Variants in CRHR1 observed in about 807,000 individuals in gnomAD.
CRHR1 encodes the protein corticotropin-releasing hormone receptor 1.
A neutral mutation model predicts 56.0 loss-of-function variants in CRHR1; 28 were observed. The ratio of observed to expected loss-of-function variants is 0.50; its 90% CI spans 0.37 to 0.69. The LOEUF (loss-of-function observed/expected upper bound fraction) is 0.69, where lower values mean the gene tolerates loss of function less well. Among genes scored for constraint, CRHR1 ranks in the 30% least tolerant of loss-of-function variants. The probability of loss-of-function intolerance (pLI) is 0.00; values close to 1 mark genes in which losing one functional copy is unlikely to be tolerated. For missense variants in CRHR1, 376 were observed against 548.0 expected, an observed-to-expected ratio of 0.69 and a Z score of 3.13; for synonymous variants, 195 against 216.5, an observed-to-expected ratio of 0.90 and a Z score of 0.87.
At chr17:45,829,954 C>T in intron 5 of CRHR1, 140 bp from the exon 6 acceptor site, 1 of 1,347,348 alleles carries the variant, frequency 7.4e-7, no homozygotes, top group Non-Finnish European at 1.0e-6. Context: ...GCTGTCACCT[C>T]CCTGTGTGAC....
intron 2 of CRHR1, among the ~76,000 whole-genome samples, chr17:45,811,748 G>T (rs2061829269): frequency 6.6e-6 from 1 of 152,172 alleles, no homozygotes; most frequent in Non-Finnish European, 1.5e-5. Context: ...TTAGGTATCT[G>T]CTTAAATGGT....
At position 45,830,146 on chromosome 17, in the gene CRHR1, A is replaced by G; in HGVS notation, c.487A>G (p.Ile163Val). The change falls in exon 6 of 13, where the codon ATC becomes GTC. Residue 163 changes from isoleucine to valine, a missense_variant. Physicochemically the swap from Ile to Val is conservative, Grantham distance 29. Transcript: ENST00000314537. ...IIHWNLISAFILRNATWFVVQ... is the reference protein window; with the variant it reads ...IIHWNLISAFVLRNATWFVVQ... ...CCACTGGAACCTCATCTCCGCCTTC[A>G]TCCTGCGCAACGCCACCTGGTTCGT... 6.8e-6 allele frequency: 11 copies of G among 1,614,090 alleles called. No homozygotes were observed. Among genetic ancestry groups the G allele is most frequent in the Non-Finnish European group, 9.3e-6 (11 of 1,180,016 alleles).
At chr17:45,799,036 G>A (rs905056529) in intron 1 of CRHR1, among the ~76,000 whole-genome samples, 7 of 152,222 alleles carry the variant, frequency 4.6e-5, no homozygotes, top group African/African-American at 1.2e-4. Flanking sequence ...GGCCAGGCCC[G>A]AGGCGGGATG....
chr17:45,806,415 A>C (rs2061719921), intron 1 of CRHR1, among the ~76,000 whole-genome samples: 1 of 152,246 alleles, frequency 6.6e-6, no homozygotes, highest in Non-Finnish European at 1.5e-5. Flanking sequence ...ACCCCAGGGA[A>C]AATTTAGTGT....
At chr17:45,829,416 G>T in intron 5 of CRHR1, 95 bp downstream of exon 5, 1 of 1,372,772 alleles carries the variant, frequency 7.3e-7, no homozygotes, top group Non-Finnish European at 1.0e-6. Context: ...TTGGGGTGGG[G>T]GTTGCTGGGA....
At chr17:45,792,710 G>A (rs572218197) in intron 1 of CRHR1, among the ~76,000 whole-genome samples, 8 of 151,960 alleles carry the variant, frequency 5.3e-5, no homozygotes, top group Non-Finnish European at 1.2e-4. Flanking sequence ...ACCTCATCCC[G>A]TCCCCTGGTG....
intron 1 of CRHR1, among the ~76,000 whole-genome samples, chr17:45,796,592 G>GT (rs1211326332): frequency 1.3e-5 from 2 of 152,248 alleles, no homozygotes; most frequent in Non-Finnish European, 2.9e-5. Flanking sequence ...AGTCCCTCCA[G>GT]TTACTGCAGT....
intron 1 of CRHR1, among the ~76,000 whole-genome samples, chr17:45,788,063 T>C (rs2146251227): frequency 6.6e-6 from 1 of 152,308 alleles, no homozygotes; most frequent in South Asian, 2.1e-4. Flanking sequence ...TCTCACCCTC[T>C]CTAACATTTG....
At chr17:45,790,192 A>G (rs1292902890) in intron 1 of CRHR1, among the ~76,000 whole-genome samples, 1 of 152,246 alleles carries the variant, frequency 6.6e-6, no homozygotes, top group East Asian at 1.9e-4. Context: ...TGGGATATGG[A>G]AAAACCTGAC....
chr17:45,814,480 A>C (rs1426928501), intron 2 of CRHR1, among the ~76,000 whole-genome samples: 1 of 152,222 alleles, frequency 6.6e-6, no homozygotes. Flanking sequence ...AAAGTCACCT[A>C]ACTTCCCTGG....
chr17:45,829,799 AC>A (rs1307273431), intron 5 of CRHR1, among the ~76,000 whole-genome samples: 4 of 151,902 alleles, frequency 2.6e-5, no homozygotes, highest in East Asian at 3.9e-4. Flanking sequence ...AGTAGAAGGC[AC>A]CCCCAGGGGA....
At chr17:45,796,947 G>A (rs996919525) in intron 1 of CRHR1, among the ~76,000 whole-genome samples, 6 of 152,232 alleles carry the variant, frequency 3.9e-5, no homozygotes, top group African/African-American at 1.4e-4. Context: ...ATACAAAGAC[G>A]GGGAGCAAGT....
chr17:45,799,759 C>T (rs1429002643), intron 1 of CRHR1: 1 of 152,240 alleles, frequency 6.6e-6, no homozygotes, highest in Admixed American at 6.5e-5. Flanking sequence ...TTCACTCTGA[C>T]CTGCTGAACC....
chr17:45,798,545 A>AAAAAT (rs1799224672), intron 1 of CRHR1, among the ~76,000 whole-genome samples: 1 of 150,890 alleles, frequency 6.6e-6, no homozygotes, highest in Non-Finnish European at 1.5e-5. Context: ...AAAAAAAAAA[A>AAAAAT]GCCAAACACA....
chr17:45,813,382 T>C (rs939103193), intron 2 of CRHR1, among the ~76,000 whole-genome samples: 1 of 146,190 alleles, frequency 6.8e-6, no homozygotes, highest in African/African-American at 2.5e-5. Context: ...CTTTGTCTCC[T>C]CGCCCCTTTT....
chr17:45,813,386 C>A (rs2061863170), intron 2 of CRHR1, among the ~76,000 whole-genome samples: 1 of 152,138 alleles, frequency 6.6e-6, no homozygotes, highest in African/African-American at 2.4e-5. Flanking sequence ...GTCTCCTCGC[C>A]CCTTTTCATT....
At chr17:45,807,964 G>A (rs967546454) in intron 2 of CRHR1, among the ~76,000 whole-genome samples, 43 of 152,162 alleles carry the variant, frequency 2.8e-4, no homozygotes, top group Admixed American at 1.4e-3. Flanking sequence ...AAAACTTTGG[G>A]TGTGGTCCTG....
At chr17:45,804,722 G>A (rs2061688632) in intron 1 of CRHR1, among the ~76,000 whole-genome samples, 1 of 152,122 alleles carries the variant, frequency 6.6e-6, no homozygotes, top group Admixed American at 6.5e-5. Context: ...GGGAAGGAGG[G>A]ATGGCGTCTG....
At position 45,784,977 on chromosome 17, in the gene CRHR1, C is replaced by T. The variant is rs1416206992; in HGVS notation, c.33+400C>T. On this transcript the variant is annotated intron_variant, in intron 1 of 12. Transcript: ENST00000314537. The surrounding 1 kb of genome is among the most constrained non-coding windows in gnomAD (Gnocchi z 4.2). ...AAGCGGGGTTCCCACCTCGCCCCAG[C>T]GCCCCCAAACAGCTCCCCGACTCCG... is the stretch of plus-strand genomic sequence containing the variant. Among the ~76,000 whole-genome samples the T allele has an allele frequency of 6.6e-6, 1 of 152,110 alleles. No individual in the cohort carries two copies. The highest frequency in any genetic ancestry group is 2.4e-5 in the African/African-American group (1 of 41,436).
Sources: allele counts gnomAD v4.1 joint callset (sites outside exome capture counted in the v4.1 genomes callset), GRCh38; gene constraint gnomAD v4.1.1; non-coding constraint Gnocchi (gnomAD v3.1); transcripts MANE v1.5; gene names NCBI Gene and HGNC (gene_info 2026-07-23, HGNC 2026-07-21).